ARHGEF4: variants seen among roughly 807,000 people sequenced by gnomAD.
ARHGEF4 encodes the protein APC-stimulated guanine nucleotide exchange factor 1.
Under a neutral mutation model 162.0 loss-of-function variants are expected in ARHGEF4, and 119 were observed. That is an observed-to-expected ratio of 0.73 (90% CI 0.63 to 0.86). ARHGEF4 has a LOEUF of 0.86. ARHGEF4 is among the 40% of genes least tolerant of loss of function. The pLI is 0.00. For missense variants in ARHGEF4, 2,488 were observed against 2,456.0 expected (o/e 1.01, Z -0.28); for synonymous variants, 1,014 against 979.9 (o/e 1.03, Z -0.65).
At chr2:131,032,861 T>C (rs1458659353) in intron 5 of ARHGEF4, among the ~76,000 whole-genome samples, 2 of 146,824 alleles carry the variant, frequency 1.4e-5, no homozygotes, top group Non-Finnish European at 3.0e-5. Flanking sequence ...TTTTTTTTTT[T>C]TTTTTTTTTG....
At chr2:130,962,878 C>G (rs1684716701) in intron 4 of ARHGEF4, among the ~76,000 whole-genome samples, 3 of 152,254 alleles carry the variant, frequency 2.0e-5, no homozygotes, top group South Asian at 4.2e-4. Context: ...ACGACTGCCC[C>G]TCAACCTCCA....
In ARHGEF4 at chr2:130,917,003, T is replaced by C; in HGVS notation, c.3057T>C (p.Ser1019=). 9 of 1,550,930 alleles carry C rather than the reference T, an allele frequency of 5.8e-6. No individual in the cohort carries two copies. The highest frequency in any genetic ancestry group is 7.8e-6 in the Non-Finnish European group (9 of 1,147,066). Residue 1019 remains serine (S), a synonymous_variant, in exon 2 of 14, where the codon TCT becomes TCC. Coordinates refer to ENST00000409359, the MANE Select transcript of ARHGEF4 (RefSeq NM_001367493.1). The part of the protein sequence containing the change: ...ASTPLSSSLV[S]PEHRRKSEPT... ...CACCTTTGTCCTCCAGTTTAGTTTC[T>C]CCAGAACACAGGAGGAAAAGTGAAC...
At chr2:130,912,364 C>A (rs191357096) in intron 1 of ARHGEF4, among the ~76,000 whole-genome samples, 1 of 152,336 alleles carries the variant, frequency 6.6e-6, no homozygotes, top group East Asian at 1.9e-4. Flanking sequence ...AACCACACAG[C>A]CCTCCTTCCC....
chr2:131,006,120 C>T (rs1420703403), intron 4 of ARHGEF4, among the ~76,000 whole-genome samples: 2 of 152,146 alleles, frequency 1.3e-5, no homozygotes, highest in Non-Finnish European at 2.9e-5. Flanking sequence ...TGGTAATAGC[C>T]CCTGGGCATC....
intron 3 of ARHGEF4, among the ~76,000 whole-genome samples, chr2:130,938,545 T>C (rs1055076372): frequency 6.6e-6 from 1 of 152,178 alleles, no homozygotes; most frequent in Non-Finnish European, 1.5e-5. Flanking sequence ...CCTCAAACAA[T>C]TGAGAGGTAA....
intron 1 of ARHGEF4, among the ~76,000 whole-genome samples, chr2:130,839,263 C>T (rs549618581): frequency 2.0e-5 from 3 of 152,146 alleles, no homozygotes; most frequent in African/African-American, 4.8e-5. Context: ...AGAGGAGCTA[C>T]GTGCTTCAGT....
chr2:131,040,425 C>T lies in ARHGEF4; in HGVS notation c.4647C>T (p.Ala1549=), dbSNP rs757524332. The change falls in exon 8 of 14, where the codon GCC becomes GCT. Residue 1549 remains alanine, a synonymous_variant. Transcript: ENST00000409359. ...RERPHLSELG[A]CFLEHQADFQ... ...GCCCACACCTGAGCGAGCTGGGTGC[C>T]TGCTTCCTGGAGCATGTGAGCGCGC... is the stretch of plus-strand genomic sequence containing the variant. The T allele has an allele frequency of 6.3e-7, 1 of 1,595,954 alleles. No homozygotes were observed. Among genetic ancestry groups the T allele is most frequent in the Admixed American group, 1.7e-5 (1 of 57,768 alleles).
chr2:130,905,079 A>G (rs1344326090), intron 1 of ARHGEF4, among the ~76,000 whole-genome samples: 1 of 150,960 alleles, frequency 6.6e-6, no homozygotes, highest in African/African-American at 2.4e-5. Context: ...ACTCTGTCTC[A>G]GACAAACAAA....
At position 130,916,308 on chromosome 2, in the gene ARHGEF4, C is replaced by G. The variant is rs1681491043; in HGVS notation, c.2362C>G (p.Pro788Ala). The G allele has an allele frequency of 6.5e-7, 1 of 1,542,298 alleles. No individual in the cohort carries two copies. The highest frequency in any genetic ancestry group is 8.7e-7 in the Non-Finnish European group (1 of 1,144,838). The change falls in exon 2 of 14, where the codon CCT becomes GCT. Residue 788 changes from proline (P) to alanine (A), a missense_variant. Around this residue, in one of 6 missense-constraint regions of ARHGEF4, gnomAD observed 1,642 missense variants for 1,481.5 expected, o/e 1.11. Coordinates refer to ENST00000409359, the MANE Select transcript of ARHGEF4 (RefSeq NM_001367493.1). Reference sequence around the variant, plus strand: ...CGGGCTCCGCAAGGGCGCGCAGGAGCCTGGGAAGCGCCCGACGTTTTCCAA... The same window carrying G: ...CGGGCTCCGCAAGGGCGCGCAGGAGGCTGGGAAGCGCCCGACGTTTTCCAA... ...PRGLRKGAQE[P>A]GKRPTFSKVT...
intron 1 of ARHGEF4, among the ~76,000 whole-genome samples, chr2:130,901,286 G>T (rs146326283): frequency 6.6e-6 from 1 of 152,146 alleles, no homozygotes; most frequent in Non-Finnish European, 1.5e-5. Flanking sequence ...GCAGGTGGGC[G>T]TTGGCTTGCC....
At chr2:131,045,948 G>A (rs1691219105) in intron 13 of ARHGEF4, 90 bp from the exon 14 acceptor site, 3 of 1,526,550 alleles carry the variant, frequency 2.0e-6, no homozygotes, top group South Asian at 2.5e-5. Context: ...CTGAAGCAGA[G>A]CCCTGGGACG....
At chr2:131,007,737 T>G (rs1028200271) in intron 4 of ARHGEF4, among the ~76,000 whole-genome samples, 7 of 151,816 alleles carry the variant, frequency 4.6e-5, no homozygotes, top group African/African-American at 1.7e-4. Context: ...CTTTTTAATT[T>G]AATAATATGC....
At chr2:130,988,289 G>T (rs144793586) in intron 4 of ARHGEF4, among the ~76,000 whole-genome samples, 1 of 152,182 alleles carries the variant, frequency 6.6e-6, no homozygotes, top group Non-Finnish European at 1.5e-5. Flanking sequence ...AGCCTTGGAA[G>T]ACCAGACTCA....
chr2:130,999,401 C>G (rs1383796402), intron 4 of ARHGEF4, among the ~76,000 whole-genome samples: 1 of 152,044 alleles, frequency 6.6e-6, no homozygotes. Context: ...TGTGATCCGC[C>G]CGCCTTGGCC....
At chr2:131,021,355 A>G (rs900835654) in intron 4 of ARHGEF4, among the ~76,000 whole-genome samples, 25 of 152,154 alleles carry the variant, frequency 1.6e-4, no homozygotes, top group African/African-American at 6.0e-4. Flanking sequence ...TCTTTGACAA[A>G]CCTGACAAAA....
intron 5 of ARHGEF4, among the ~76,000 whole-genome samples, chr2:131,038,088 A>G (rs1690438805): frequency 6.6e-6 from 1 of 152,158 alleles, no homozygotes; most frequent in Non-Finnish European, 1.5e-5. Context: ...AAGTGTTGAA[A>G]AACACACAGT....
At chr2:130,900,897 A>T (rs1393572356) in intron 1 of ARHGEF4, among the ~76,000 whole-genome samples, 2 of 152,062 alleles carry the variant, frequency 1.3e-5, no homozygotes, top group Non-Finnish European at 2.9e-5. Flanking sequence ...GTGACAGTTT[A>T]GTTTTCTGAG....
intron 1 of ARHGEF4, among the ~76,000 whole-genome samples, chr2:130,885,383 C>T (rs757679612): frequency 6.6e-5 from 10 of 151,980 alleles, no homozygotes; most frequent in South Asian, 4.2e-4. Context: ...CGTGAGCCAC[C>T]GCGCCCGGCC....
At position 130,888,665 on chromosome 2, in the gene ARHGEF4, C is replaced by A. The variant is rs189202774; in HGVS notation, c.40-25321C>A. Reference sequence around the variant, plus strand: ...AGTCTATTGGTTATTGTAAAGTGTTCTTTTGTTTCCAGATACTTAGGGATG... The same window carrying A: ...AGTCTATTGGTTATTGTAAAGTGTTATTTTGTTTCCAGATACTTAGGGATG... On this transcript the variant is annotated intron_variant, in intron 1 of 13. Coordinates refer to ENST00000409359, the MANE Select transcript of ARHGEF4 (RefSeq NM_001367493.1). Among the ~76,000 whole-genome samples the A allele has an allele frequency of 2.7e-4, 41 of 152,186 alleles. 1 individual carries two copies. Among genetic ancestry groups the A allele is most frequent in the African/African-American group, 9.2e-4 (38 of 41,458 alleles).
Sources: gnomAD v4.1 joint callset for allele counts (sites outside exome capture counted in the v4.1 genomes callset) on GRCh38, gnomAD v4.1.1 for gene constraint, gnomAD v4.1.1 regional missense constraint, MANE v1.5 for transcripts, NCBI Gene and HGNC (gene_info 2026-07-23, HGNC 2026-07-21) for gene names.